The following HLCS variants were observed in gnomAD, a reference collection of about 807,000 sequenced individuals.
HLCS encodes biotin--protein ligase.
Under a neutral mutation model 75.0 loss-of-function variants are expected in HLCS, and 53 were observed. The observed-to-expected ratio is 0.71, with a 90% CI of 0.57 to 0.89. The LOEUF (loss-of-function observed/expected upper bound fraction) is 0.89. HLCS is among the 40% of genes least tolerant of loss of function. The pLI is 0.00. For synonymous variants in HLCS, 431 were observed against 428.6 expected, an observed-to-expected ratio of 1.01 and a Z score of -0.07; for missense variants, 966 against 1,074.0, an observed-to-expected ratio of 0.90 and a Z score of 1.41.
At chr21:36,861,738 T>C (rs769280720) in intron 6 of HLCS, among the ~76,000 whole-genome samples, 6 of 152,252 alleles carry the variant, frequency 3.9e-5, no homozygotes, top group Non-Finnish European at 7.3e-5. Flanking sequence ...TTAGAATTTC[T>C]GTACCATCTG....
chr21:36,949,669 C>T (rs1315444022), intron 2 of HLCS, among the ~76,000 whole-genome samples: 2 of 152,190 alleles, frequency 1.3e-5, no homozygotes, highest in Non-Finnish European at 2.9e-5. Context: ...AAGTTTGTGC[C>T]AGCAATTAGT....
chr21:36,755,605 C>G (rs2089535339), intron 10 of HLCS, among the ~76,000 whole-genome samples: 1 of 152,216 alleles, frequency 6.6e-6, no homozygotes, highest in Admixed American at 6.5e-5. Context: ...GGCTATTTCC[C>G]TCCATCCAGG....
chr21:36,757,769 C>T (rs1341945472), intron 9 of HLCS, among the ~76,000 whole-genome samples: 1 of 152,196 alleles, frequency 6.6e-6, no homozygotes, highest in African/African-American at 2.4e-5. Context: ...AAACAAGTAA[C>T]TACAGCAACA....
intron 6 of HLCS, among the ~76,000 whole-genome samples, chr21:36,780,946 C>G (rs2060511193): frequency 6.8e-6 from 1 of 147,292 alleles, no homozygotes; most frequent in Non-Finnish European, 1.5e-5. Flanking sequence ...CCCCCACCCC[C>G]CAGGCTGCAC....
intron 5 of HLCS, among the ~76,000 whole-genome samples, chr21:36,926,855 G>A (rs778210260): frequency 4.0e-5 from 6 of 150,082 alleles, no homozygotes; most frequent in Non-Finnish European, 7.4e-5. Flanking sequence ...CAATCCTCCT[G>A]CCTCAGCCTC....
At position 36,778,606 on chromosome 21, in the gene HLCS, C is replaced by T. The variant is rs1415260140; in HGVS notation, c.1893-11321G>A. Among the ~76,000 whole-genome samples the T allele has an allele frequency of 2.0e-5, 3 of 152,184 alleles. No individual in the cohort carries two copies. The East Asian group carries it at 5.8e-4, about 29-fold the overall frequency. On this transcript the variant is annotated intron_variant, in intron 6 of 10. Coordinates refer to ENST00000674895, the MANE Select transcript of HLCS (RefSeq NM_001352514.2). Reference sequence around the variant, plus strand: ...GAATCAATTATTTACTTGATGGTTGCCAAACAGATTTTTCTGAACCATCAT... The same window carrying T: ...GAATCAATTATTTACTTGATGGTTGTCAAACAGATTTTTCTGAACCATCAT...
At chr21:36,854,621 C>A (rs1340020674) in intron 6 of HLCS, among the ~76,000 whole-genome samples, 1 of 151,998 alleles carries the variant, frequency 6.6e-6, no homozygotes, top group African/African-American at 2.4e-5. Context: ...CAGGAAGGAC[C>A]CCATAGCGAG....
chr21:36,927,782 G>A lies in HLCS; in HGVS notation c.1620+2469C>T, dbSNP rs2066470279. Among the ~76,000 whole-genome samples the A allele has an allele frequency of 2.0e-5, 3 of 152,304 alleles. 1 individual carries two copies. The highest frequency in any genetic ancestry group is 2.9e-5 in the Non-Finnish European group (2 of 68,028). On this transcript the variant is annotated intron_variant, in intron 5 of 10. Coordinates refer to ENST00000674895, the MANE Select transcript of HLCS (RefSeq NM_001352514.2). Reference sequence around the variant, plus strand: ...TTTATAGTTCTAGGGTCCTGTATGCGAGGCAGCCTAGCTCAGCAGCGACAC... The same window carrying A: ...TTTATAGTTCTAGGGTCCTGTATGCAAGGCAGCCTAGCTCAGCAGCGACAC...
chr21:36,947,915 T>C, intron 2 of HLCS: 5 of 985,272 alleles, frequency 5.1e-6, no homozygotes, highest in Non-Finnish European at 6.0e-6. Flanking sequence ...CTCTTCCAAA[T>C]CATCTTAATT....
chr21:36,867,602 C>T (rs1029791902), intron 6 of HLCS, among the ~76,000 whole-genome samples: 1 of 152,166 alleles, frequency 6.6e-6, no homozygotes, highest in African/African-American at 2.4e-5. Context: ...GTCTTATCTG[C>T]TGTGTGGAAA....
At chr21:36,909,305 G>A (rs2065600508) in intron 5 of HLCS, among the ~76,000 whole-genome samples, 1 of 152,184 alleles carries the variant, frequency 6.6e-6, no homozygotes, top group Non-Finnish European at 1.5e-5. Flanking sequence ...ACACTAAAAT[G>A]GGTGCATTTT....
At chr21:36,942,164 C>T (rs553477041) in intron 2 of HLCS, among the ~76,000 whole-genome samples, 27 of 151,870 alleles carry the variant, frequency 1.8e-4, no homozygotes, top group African/African-American at 6.3e-4. Flanking sequence ...TCCAGCCTGG[C>T]GACAGTCTCA....
At chr21:36,796,146 G>A (rs2061018149) in intron 6 of HLCS, among the ~76,000 whole-genome samples, 1 of 151,980 alleles carries the variant, frequency 6.6e-6, no homozygotes. Context: ...ACCAGATAGT[G>A]GACAAGAAAA....
upstream of HLCS, among the ~76,000 whole-genome samples, chr21:36,967,862 G>A (rs1225060588): frequency 1.3e-5 from 2 of 151,954 alleles, no homozygotes; most frequent in Non-Finnish European, 2.9e-5. Flanking sequence ...TGGGATTACA[G>A]GTGCCCGTCA....
At chr21:36,872,074 T>C (rs918507849) in intron 6 of HLCS, among the ~76,000 whole-genome samples, 2 of 152,180 alleles carry the variant, frequency 1.3e-5, no homozygotes, top group Admixed American at 1.3e-4. Flanking sequence ...CATCCAGCCA[T>C]TAATTCATCT....
chr21:36,800,703 C>T (rs189948591), intron 6 of HLCS, among the ~76,000 whole-genome samples: 3 of 152,104 alleles, frequency 2.0e-5, no homozygotes, highest in Non-Finnish European at 2.9e-5. Context: ...TATAATACTA[C>T]GCGATATTCT....
chr21:36,851,832 A>C (rs919852008), intron 6 of HLCS: 3 of 152,244 alleles, frequency 2.0e-5, no homozygotes, highest in Non-Finnish European at 4.4e-5. Context: ...AAAAAATAAA[A>C]ATTTTAAAAA....
chr21:36,770,480 A>C (rs1172842194), intron 6 of HLCS, among the ~76,000 whole-genome samples: 1 of 152,138 alleles, frequency 6.6e-6, no homozygotes, highest in Non-Finnish European at 1.5e-5. Flanking sequence ...CAAGTATGTA[A>C]AATTCAAAAA....
intron 5 of HLCS, among the ~76,000 whole-genome samples, chr21:36,920,287 C>T (rs962446772): frequency 4.7e-5 from 7 of 150,066 alleles, no homozygotes; most frequent in African/African-American, 1.7e-4. Flanking sequence ...GAGCCATGAT[C>T]ATGCCACTGC....
Sources: gnomAD v4.1 joint callset for allele counts (sites outside exome capture counted in the v4.1 genomes callset) on GRCh38, gnomAD v4.1.1 for gene constraint, MANE v1.5 for transcripts, NCBI Gene and HGNC (gene_info 2026-07-23, HGNC 2026-07-21) for gene names.